Variants in NBEAL1 observed in about 807,000 individuals in gnomAD.
NBEAL1 encodes the protein neurobeachin-like protein 1.
A neutral mutation model predicts 351.3 loss-of-function variants in NBEAL1; 273 were observed. That is an observed-to-expected ratio of 0.78 (90% confidence interval 0.70 to 0.86). The LOEUF (loss-of-function observed/expected upper bound fraction) is 0.86. Ranked by LOEUF, NBEAL1 falls within the 40% of genes least tolerant of loss-of-function variation. The pLI is 0.00. For missense variants in NBEAL1, 2,961 were observed against 3,201.3 expected (o/e 0.92, Z 1.81); for synonymous variants, 1,050 against 1,086.4 (o/e 0.97, Z 0.66).
intron 2 of NBEAL1, among the ~76,000 whole-genome samples, chr2:203,034,220 C>T (rs936741736): frequency 8.7e-5 from 13 of 148,874 alleles, no homozygotes; most frequent in Non-Finnish European, 1.6e-4. Context: ...TGCAGTAGAG[C>T]GATCTTGGCT....
rs1238151629 is a variant in NBEAL1 at position 203,034,626 on chromosome 2, G to A, written c.52-7139G>A. Among the ~76,000 whole-genome samples, 2 of 148,098 alleles carry A rather than the reference G, an allele frequency of 1.4e-5. 1 individual carries two copies. The highest frequency in any genetic ancestry group is 3.0e-5 in the Non-Finnish European group (2 of 66,102). On this transcript the variant is annotated intron_variant, in intron 2 of 55. Transcript: ENST00000683969. ...GGCATGCACCACCACTCCTAATTTT[G>A]TATTTTTAGTAGAGATAGGGTTTCT...
At chr2:203,043,336 A>G (rs185863014) in intron 3 of NBEAL1, among the ~76,000 whole-genome samples, 192 of 152,274 alleles carry the variant, frequency 1.3e-3, no homozygotes, top group Middle Eastern at 0.01. Flanking sequence ...AGTTTTTTCT[A>G]TATCTTAAGC....
At chr2:203,173,840 C>T (rs1409197809) in intron 41 of NBEAL1, among the ~76,000 whole-genome samples, 2 of 151,882 alleles carry the variant, frequency 1.3e-5, no homozygotes. Context: ...CTTTTTTATT[C>T]TCCTGAATAT....
At chr2:203,052,719 G>T (rs1011163054) in intron 4 of NBEAL1, among the ~76,000 whole-genome samples, 4 of 145,408 alleles carry the variant, frequency 2.8e-5, no homozygotes, top group African/African-American at 1.0e-4. Flanking sequence ...ACCATGCCCA[G>T]TTATTTATTT....
intron 3 of NBEAL1, 27 bp downstream of exon 3, chr2:203,041,883 C>T (rs772436987): frequency 1.4e-6 from 2 of 1,451,378 alleles, no homozygotes; most frequent in South Asian, 1.2e-5. Context: ...ATTTGTAACC[C>T]CTGGATGAGT....
At chr2:203,066,766 A>C (rs920566455) in intron 6 of NBEAL1, among the ~76,000 whole-genome samples, 5 of 142,156 alleles carry the variant, frequency 3.5e-5, no homozygotes, top group African/African-American at 1.3e-4. Flanking sequence ...GGCGCTCCTC[A>C]CTTCCCAGAC....
chr2:203,045,743 A>G (rs1256263310), intron 3 of NBEAL1, among the ~76,000 whole-genome samples: 3 of 152,232 alleles, frequency 2.0e-5, no homozygotes, highest in Non-Finnish European at 4.4e-5. Context: ...TAAAAATACT[A>G]GCAATACTTC....
At chr2:203,189,634 G>A (rs554966893) in intron 45 of NBEAL1, among the ~76,000 whole-genome samples, 2 of 151,978 alleles carry the variant, frequency 1.3e-5, no homozygotes, top group East Asian at 3.9e-4. Context: ...CAGTCCTCCC[G>A]CCTCAGCCTC....
intron 4 of NBEAL1, among the ~76,000 whole-genome samples, chr2:203,052,967 T>G (rs892486775): frequency 6.6e-6 from 1 of 152,118 alleles, no homozygotes. Flanking sequence ...CACAGTTTGT[T>G]TATTCATTCC....
rs1445115604 is a variant in NBEAL1, at chr2:203,049,866, G to C, written c.196G>C (p.Val66Leu). The C allele has an allele frequency of 3.2e-6, 5 of 1,556,044 alleles. No homozygotes were observed. Among genetic ancestry groups the C allele is most frequent in the Non-Finnish European group, 4.4e-6 (5 of 1,148,054 alleles). Reference protein sequence around the residue: ...ISLLPDNILQVLRIQLLQCVQ... With the variant: ...ISLLPDNILQLLRIQLLQCVQ... ...TCTGCTTCCTGATAATATTCTGCAG[G>C]TTCTGAGGATCCAGCTTCTACAGTG... Residue 66 changes from valine (V) to leucine (L), a missense_variant, in exon 4 of 56, where the codon GTT becomes CTT. Physicochemically the swap from Val to Leu is conservative, Grantham distance 32. Transcript: ENST00000683969.
intron 12 of NBEAL1, among the ~76,000 whole-genome samples, chr2:203,106,796 T>G (rs949601903): frequency 3.3e-5 from 5 of 152,184 alleles, no homozygotes; most frequent in Non-Finnish European, 4.4e-5. Flanking sequence ...ATGGGGCACT[T>G]TAGTATGTTC....
chr2:203,067,063 C>T (rs1482530864), intron 6 of NBEAL1, among the ~76,000 whole-genome samples: 3 of 146,654 alleles, frequency 2.0e-5, no homozygotes, highest in Non-Finnish European at 4.5e-5. Context: ...GGCAGAGGCA[C>T]CCACTTCCCA....
At chr2:203,073,202 G>A (rs2061710755) in intron 7 of NBEAL1, among the ~76,000 whole-genome samples, 4 of 152,152 alleles carry the variant, frequency 2.6e-5, no homozygotes, top group Non-Finnish European at 5.9e-5. Flanking sequence ...TATGCCCAGT[G>A]TGAAAAGGTT....
intron 34 of NBEAL1, 21 bp from the exon 35 acceptor site, chr2:203,151,444 T>C (rs1349639127): frequency 1.3e-6 from 2 of 1,531,202 alleles, no homozygotes; most frequent in African/African-American, 2.8e-5. Context: ...ATTTTACTTA[T>C]TTGCTTATGA....
chr2:203,165,887 A>G (rs1272762561), intron 36 of NBEAL1, among the ~76,000 whole-genome samples: 1 of 152,062 alleles, frequency 6.6e-6, no homozygotes, highest in Non-Finnish European at 1.5e-5. Flanking sequence ...TATAAAAAAT[A>G]TAAAAATTAG....
At chr2:203,162,093 G>A (rs1575066334) in intron 36 of NBEAL1, among the ~76,000 whole-genome samples, 1 of 143,122 alleles carries the variant, frequency 7.0e-6, no homozygotes, top group South Asian at 2.2e-4. Context: ...GCGCGATCTC[G>A]GCTCCCTGTA....
chr2:203,026,130 C>G (rs1335831028), intron 2 of NBEAL1, among the ~76,000 whole-genome samples: 1 of 152,102 alleles, frequency 6.6e-6, no homozygotes, highest in African/African-American at 2.4e-5. Flanking sequence ...TGTCTTGCTC[C>G]TCATTTTAGC....
intron 42 of NBEAL1, among the ~76,000 whole-genome samples, chr2:203,176,387 G>A (rs1281549739): frequency 1.3e-5 from 2 of 151,846 alleles, no homozygotes; most frequent in Non-Finnish European, 2.9e-5. Context: ...ACCTTGGCCT[G>A]CCAAAGTAAG....
At chr2:203,151,822 A>G (rs1019425496) in intron 35 of NBEAL1, among the ~76,000 whole-genome samples, 2 of 152,206 alleles carry the variant, frequency 1.3e-5, no homozygotes, top group African/African-American at 4.8e-5. Context: ...TTTTAATTAT[A>G]AAAGTATACT....
Sources: allele counts gnomAD v4.1 joint callset (sites outside exome capture counted in the v4.1 genomes callset), GRCh38; gene constraint gnomAD v4.1.1; transcripts MANE v1.5; gene names NCBI Gene and HGNC (gene_info 2026-07-23, HGNC 2026-07-21).